ZNF184: variants seen among roughly 807,000 people sequenced by gnomAD.
ZNF184 encodes zinc finger protein 184.
A neutral mutation model predicts 54.4 loss-of-function variants in ZNF184; 16 were observed. The ratio of observed to expected loss-of-function variants is 0.29; its 90% confidence interval spans 0.20 to 0.45. ZNF184 has a LOEUF of 0.45. Among genes scored for constraint, ZNF184 ranks in the 20% least tolerant of loss-of-function variants. ZNF184 has a pLI of 1.00. For missense variants in ZNF184, 681 were observed against 888.2 expected, an observed-to-expected ratio of 0.77 and a Z score of 2.97; for synonymous variants, 254 against 295.3, an observed-to-expected ratio of 0.86 and a Z score of 1.43.
chr6:27,466,363 C>T (rs1398006924), intron 3 of ZNF184, among the ~76,000 whole-genome samples: 7 of 152,182 alleles, frequency 4.6e-5, no homozygotes, highest in Admixed American at 4.6e-4. Flanking sequence ...TTTACGCCAT[C>T]TAAGCTTATG....
At chr6:27,419,195 C>T in the ZNF184 span, among the ~76,000 whole-genome samples, 65 of 152,238 alleles carry the variant, frequency 4.3e-4, 1 homozygote, top group African/African-American at 1.5e-3. This position sits in a 1 kb window ranked among gnomAD's most constrained non-coding sequence, Gnocchi z 4.8. Context: ...CCTCTGCCTC[C>T]CAGAGGTTCA....
chr6:27,413,611 G>GATATTTTAAATAAA, the ZNF184 span, among the ~76,000 whole-genome samples: 1 of 152,060 alleles, frequency 6.6e-6, no homozygotes, highest in African/African-American at 2.4e-5. Context: ...ATAAAACTGA[G>GATATTTTAAATAAA]ACATCATGTA....
the ZNF184 span, among the ~76,000 whole-genome samples, chr6:27,423,941 T>C: frequency 2.6e-5 from 4 of 152,352 alleles, no homozygotes; most frequent in East Asian, 3.9e-4. Context: ...TCTGCTCTTG[T>C]TGAAACATTG....
chr6:27,443,489 T>A, the ZNF184 span, among the ~76,000 whole-genome samples: 1 of 152,320 alleles, frequency 6.6e-6, no homozygotes, highest in African/African-American at 2.4e-5. Context: ...ATGTAATCAA[T>A]CCATTCAATA....
chr6:27,424,034 G>A, the ZNF184 span, among the ~76,000 whole-genome samples: 9 of 152,144 alleles, frequency 5.9e-5, no homozygotes, highest in Non-Finnish European at 1.2e-4. Flanking sequence ...ACGAACCCTC[G>A]CGGTGAGCGT....
chr6:27,432,999 C>T, the ZNF184 span, among the ~76,000 whole-genome samples: 1 of 152,304 alleles, frequency 6.6e-6, no homozygotes, highest in South Asian at 2.1e-4. This position sits in a 1 kb window ranked among gnomAD's most constrained non-coding sequence, Gnocchi z 4.0. Context: ...ACTAGGGACT[C>T]AGCAGATAGC....
chr6:27,442,794 G>GAA, the ZNF184 span, among the ~76,000 whole-genome samples: 1 of 68,196 alleles, frequency 1.5e-5, no homozygotes, highest in Non-Finnish European at 3.2e-5. Flanking sequence ...AAGGAAGAAA[G>GAA]AAAGAAAGAG....
the ZNF184 span, among the ~76,000 whole-genome samples, chr6:27,422,148 AAAAG>A: frequency 0.044 from 1,922 of 43,216 alleles, 106 homozygotes; most frequent in Middle Eastern, 0.083. Flanking sequence ...CTCAAAAAAA[AAAAG>A]AAAGAAAGAA....
chr6:27,472,592 G>A lies in ZNF184; in HGVS notation c.-140+137C>T. On this transcript the variant is annotated intron_variant, in intron 1 of 5. Transcript: ENST00000683788. The surrounding 1 kb of genome is among the most constrained non-coding windows in gnomAD (Gnocchi z 4.8). ...ACAAAACAGAGTGGAGATCGGGTAC[G>A]CGGGTTCTGCTTCAGATCCAAAAAA... is the stretch of plus-strand genomic sequence containing the variant. The A allele has an allele frequency of 2.6e-6, 1 of 390,756 alleles. No individual in the cohort carries two copies. Among genetic ancestry groups the A allele is most frequent in the Non-Finnish European group, 4.7e-6 (1 of 211,560 alleles). The allele number at this position is 390,756 out of a possible 1,614,324, so 24.2% of individuals were successfully genotyped here.
At chr6:27,404,210 T>C in the ZNF184 span, 1 of 152,158 alleles carries the variant, frequency 6.6e-6, no homozygotes, top group African/African-American at 2.4e-5. Flanking sequence ...AATGAGAAGG[T>C]CATTTGCTTA....
the ZNF184 span, among the ~76,000 whole-genome samples, chr6:27,409,333 A>G: frequency 1.3e-5 from 2 of 151,936 alleles, no homozygotes; most frequent in Non-Finnish European, 2.9e-5. Flanking sequence ...CCCTGTCTCT[A>G]CTAAAAATAC....
the ZNF184 span, among the ~76,000 whole-genome samples, chr6:27,425,090 C>T: frequency 2.0e-5 from 3 of 152,218 alleles, no homozygotes; most frequent in Non-Finnish European, 4.4e-5. Flanking sequence ...CCTCATTGCC[C>T]GGGGCCGCCA....
At chr6:27,459,610 A>C (rs1762949431) in intron 3 of ZNF184, among the ~76,000 whole-genome samples, 2 of 152,224 alleles carry the variant, frequency 1.3e-5, no homozygotes, top group African/African-American at 4.8e-5. Context: ...CAATCTGACA[A>C]GATCTATCAA....
chr6:27,463,845 T>C (rs1348102889), intron 3 of ZNF184, among the ~76,000 whole-genome samples: 3 of 151,756 alleles, frequency 2.0e-5, no homozygotes, highest in Admixed American at 6.6e-5. Context: ...TCTTTAGACA[T>C]AGAAACCTGA....
At chr6:27,445,246 A>G in the ZNF184 span, among the ~76,000 whole-genome samples, 1 of 152,246 alleles carries the variant, frequency 6.6e-6, no homozygotes, top group Non-Finnish European at 1.5e-5. Context: ...AAACATTCAT[A>G]TAATGGAATA....
the ZNF184 span, among the ~76,000 whole-genome samples, chr6:27,415,424 C>G: frequency 6.6e-6 from 1 of 152,032 alleles, no homozygotes; most frequent in Admixed American, 6.6e-5. Flanking sequence ...ACTGTTGGAA[C>G]TTTCAAGAAA....
chr6:27,406,068 A>C, the ZNF184 span: 11 of 152,230 alleles, frequency 7.2e-5, no homozygotes, highest in African/African-American at 2.7e-4. Flanking sequence ...AACATCATTA[A>C]TAAGAAAATG....
intron 3 of ZNF184, among the ~76,000 whole-genome samples, chr6:27,463,138 G>T (rs1409996307): frequency 2.2e-4 from 25 of 111,736 alleles, no homozygotes; most frequent in Non-Finnish European, 2.5e-4. Flanking sequence ...GGTGGGGGGA[G>T]GGGGGAGGGA....
chr6:27,421,696 C>CA, the ZNF184 span, among the ~76,000 whole-genome samples: 3 of 152,142 alleles, frequency 2.0e-5, no homozygotes, highest in African/African-American at 4.8e-5. Flanking sequence ...GCTAATTCAA[C>CA]AAAAAACTGA....
Sources: allele counts gnomAD v4.1 joint callset (sites outside exome capture counted in the v4.1 genomes callset), GRCh38; gene constraint gnomAD v4.1.1; non-coding constraint Gnocchi (gnomAD v3.1); transcripts MANE v1.5; gene names NCBI Gene and HGNC (gene_info 2026-07-23, HGNC 2026-07-21).